DNAH7: variants seen among roughly 807,000 people sequenced by gnomAD.
The protein encoded by DNAH7 is axonemal beta dynein heavy chain 7.
DNAH7 carries 397 observed loss-of-function variants against 444.6 expected under a neutral mutation model. The ratio of observed to expected loss-of-function variants is 0.89; its 90% CI spans 0.82 to 0.97. DNAH7 has a LOEUF of 0.97. Among genes scored for constraint, DNAH7 ranks in the 50% least tolerant of loss-of-function variants. The pLI is 0.00. For missense variants in DNAH7, 4,902 were observed against 4,800.8 expected (o/e 1.02, Z -0.62); for synonymous variants, 1,636 against 1,624.4 (o/e 1.01, Z -0.17).
At chr2:195,976,782 A>AGAGAGAGAGAGAGAGAGAGAGAGAGAGG (rs1271798254) in intron 15 of DNAH7, among the ~76,000 whole-genome samples, 2 of 146,598 alleles carry the variant, frequency 1.4e-5, no homozygotes, top group Admixed American at 7.0e-5. Flanking sequence ...AGAGAGAGAG[A>AGAGAGAGAGAGAGAGAGAGAGAGAGAGG]GAGAGACTCT....
At chr2:196,015,659 C>G (rs1274156619) in intron 9 of DNAH7, among the ~76,000 whole-genome samples, 2 of 152,154 alleles carry the variant, frequency 1.3e-5, no homozygotes, top group Admixed American at 1.3e-4. Context: ...TAGAGAGCAT[C>G]TTATCAGGTT....
chr2:195,962,673 T>A (rs980911950), intron 17 of DNAH7, among the ~76,000 whole-genome samples: 2 of 152,142 alleles, frequency 1.3e-5, no homozygotes, highest in Non-Finnish European at 2.9e-5. Flanking sequence ...TTTTTAAATG[T>A]GCAATTAAAT....
At chr2:196,007,106 T>C (rs1481872211) in intron 10 of DNAH7, among the ~76,000 whole-genome samples, 2 of 152,080 alleles carry the variant, frequency 1.3e-5, no homozygotes, top group Non-Finnish European at 2.9e-5. Context: ...AAAATGCATA[T>C]AAAATACAAA....
intron 36 of DNAH7, among the ~76,000 whole-genome samples, chr2:195,880,608 G>T (rs1453392544): frequency 6.6e-6 from 1 of 152,108 alleles, no homozygotes; most frequent in Non-Finnish European, 1.5e-5. Context: ...AAAGTGCTGG[G>T]ATTACAGGCG....
At chr2:195,972,169 T>C (rs560117245) in intron 16 of DNAH7, 73 bp downstream of exon 16, 9 of 1,245,384 alleles carry the variant, frequency 7.2e-6, no homozygotes, top group Admixed American at 4.4e-5. Context: ...AATAAAATAA[T>C]TGACAATGCT....
intron 40 of DNAH7, among the ~76,000 whole-genome samples, chr2:195,867,623 T>C (rs773281220): frequency 1.4e-4 from 22 of 152,164 alleles, no homozygotes; most frequent in Admixed American, 1.3e-4. Context: ...CACTAATCTA[T>C]TTACTATCTC....
At chr2:195,834,168 G>T in intron 48 of DNAH7, 38 bp downstream of exon 48, 1 of 1,562,378 alleles carries the variant, frequency 6.4e-7, no homozygotes. Context: ...CCCTCTCCAG[G>T]CAGTTCTGTA....
At chr2:196,020,182 A>G (rs1041382827) in intron 8 of DNAH7, among the ~76,000 whole-genome samples, 1 of 152,118 alleles carries the variant, frequency 6.6e-6, no homozygotes, top group African/African-American at 2.4e-5. Flanking sequence ...ATATGTTTTA[A>G]TTGGCTGTTT....
At chr2:195,877,724 G>A (rs1033374028) in intron 36 of DNAH7, among the ~76,000 whole-genome samples, 5 of 152,192 alleles carry the variant, frequency 3.3e-5, no homozygotes, top group Non-Finnish European at 5.9e-5. Context: ...AAATAAGGAA[G>A]ACGTAGGGTA....
intron 15 of DNAH7, among the ~76,000 whole-genome samples, chr2:195,976,780 A>AGAGAGAGAGG (rs1559295046): frequency 6.7e-6 from 1 of 148,914 alleles, no homozygotes; most frequent in Non-Finnish European, 1.5e-5. Context: ...AGAGAGAGAG[A>AGAGAGAGAGG]GAGAGAGACT....
intron 58 of DNAH7, among the ~76,000 whole-genome samples, chr2:195,781,209 T>C (rs1695358399): frequency 6.6e-6 from 1 of 151,968 alleles, no homozygotes; most frequent in Non-Finnish European, 1.5e-5. Context: ...CCCATAAAAA[T>C]GAAGTACAAT....
chr2:195,935,036 A>G (rs1419241242), intron 20 of DNAH7, among the ~76,000 whole-genome samples: 1 of 152,218 alleles, frequency 6.6e-6, no homozygotes, highest in Admixed American at 6.5e-5. Context: ...TTATAGTAAG[A>G]GCTACAGAGA....
intron 5 of DNAH7, among the ~76,000 whole-genome samples, chr2:196,046,800 T>C (rs1202087019): frequency 6.6e-6 from 1 of 152,086 alleles, no homozygotes; most frequent in Non-Finnish European, 1.5e-5. Flanking sequence ...GTCCCACAAA[T>C]GGTGTACACC....
intron 1 of DNAH7, among the ~76,000 whole-genome samples, chr2:196,059,699 C>T (rs1314586598): frequency 6.6e-6 from 1 of 152,182 alleles, no homozygotes; most frequent in Non-Finnish European, 1.5e-5. Context: ...ACAAGTTTCA[C>T]TTACATCACA....
chr2:195,966,373 G>A (rs969397447), intron 17 of DNAH7, among the ~76,000 whole-genome samples: 10 of 152,008 alleles, frequency 6.6e-5, no homozygotes, highest in Admixed American at 6.6e-4. Flanking sequence ...CTAACATATG[G>A]TCTATCCTTG....
intron 57 of DNAH7, among the ~76,000 whole-genome samples, chr2:195,790,620 G>A (rs564304644): frequency 6.6e-6 from 1 of 152,230 alleles, no homozygotes; most frequent in South Asian, 2.1e-4. Context: ...AATGGTACTG[G>A]GATAGCTGGC....
chr2:195,940,591 A>G (rs1294715043), intron 19 of DNAH7, among the ~76,000 whole-genome samples: 3 of 152,282 alleles, frequency 2.0e-5, no homozygotes, highest in East Asian at 1.9e-4. Flanking sequence ...TGAACAGGCA[A>G]CCTACAGAAT....
At chr2:195,911,743 C>A (rs942909183) in intron 24 of DNAH7, among the ~76,000 whole-genome samples, 1 of 152,110 alleles carries the variant, frequency 6.6e-6, no homozygotes, top group Non-Finnish European at 1.5e-5. Flanking sequence ...CCTAGCTACT[C>A]TGTCATTTAA....
At chr2:195,768,429 T>C (rs1460529429) in intron 61 of DNAH7, among the ~76,000 whole-genome samples, 3 of 151,854 alleles carry the variant, frequency 2.0e-5, no homozygotes, top group African/African-American at 2.4e-5. Context: ...TCTTAATTGA[T>C]GGGCATTTCA....
Sources: allele counts gnomAD v4.1 joint callset (sites outside exome capture counted in the v4.1 genomes callset), GRCh38; gene constraint gnomAD v4.1.1; transcripts MANE v1.5; gene names NCBI Gene and HGNC (gene_info 2026-07-23, HGNC 2026-07-21).